The following ATP8A2 variants were observed in gnomAD, a reference collection of about 807,000 sequenced individuals.
The protein encoded by ATP8A2 is phospholipid-transporting ATPase IB.
In ATP8A2, 100 loss-of-function variants were observed where a neutral mutation model predicts 165.6. The observed-to-expected ratio is 0.60, with a 90% CI of 0.51 to 0.71. The LOEUF is 0.71. Ranked by LOEUF, ATP8A2 falls within the 30% of genes least tolerant of loss-of-function variation. ATP8A2 has a pLI of 0.00. For synonymous variants in ATP8A2, 543 were observed against 548.8 expected (o/e 0.99, Z 0.15); for missense variants, 1,227 against 1,479.5 (o/e 0.83, Z 2.80).
Position 25,934,133 on chromosome 13 carries a change from C to T in ATP8A2, c.3184-27442C>T, listed in dbSNP as rs73472967. Among the ~76,000 whole-genome samples, 490 of 152,352 alleles carry T rather than the reference C, an allele frequency of 3.2e-3. 3 individuals carry two copies. Among genetic ancestry groups the T allele is most frequent in the African/African-American group, 0.011 (468 of 41,590 alleles). On this transcript the variant is annotated intron_variant, in intron 33 of 36. Transcript: ENST00000381655. ...GAAAATACTTAGTGTCAGTTGCTAA[C>T]AGTTTATGAAGTGGTGTTACCTGTG...
Position 26,020,063 on chromosome 13 carries a change from A to T in ATP8A2, c.*78A>T. 1 of 1,089,800 alleles carries T rather than the reference A, an allele frequency of 9.2e-7. No homozygotes were observed. The allele number at this position is 1,089,800 out of a possible 1,614,324, so 67.5% of individuals were successfully genotyped here. ...AGTGTTAACACATCTTTGTCAGAGAAGACTGGCGTCAGCAGCCAAAACACC... is the reference window on the plus strand; with the variant it reads ...AGTGTTAACACATCTTTGTCAGAGATGACTGGCGTCAGCAGCCAAAACACC... On this transcript the variant is annotated 3_prime_UTR_variant, in exon 37 of 37. Transcript: ENST00000381655.
chr13:25,654,073 G>T (rs998355564), intron 24 of ATP8A2, among the ~76,000 whole-genome samples: 1 of 152,162 alleles, frequency 6.6e-6, no homozygotes, highest in Non-Finnish European at 1.5e-5. Flanking sequence ...CTCAGAAACT[G>T]TTGTTTGCCT....
At chr13:25,597,637 C>T (rs957378638) in intron 24 of ATP8A2, among the ~76,000 whole-genome samples, 1 of 152,130 alleles carries the variant, frequency 6.6e-6, no homozygotes, top group Admixed American at 6.6e-5. Flanking sequence ...ACAGGTACTT[C>T]TCCAGTCAGG....
At chr13:25,605,181 T>G (rs1446239641) in intron 24 of ATP8A2, among the ~76,000 whole-genome samples, 5 of 152,330 alleles carry the variant, frequency 3.3e-5, no homozygotes, top group African/African-American at 1.2e-4. Context: ...CAGTGAACTT[T>G]ATTCTGTGGT....
chr13:25,530,419 T>G lies in ATP8A2; in HGVS notation c.322-143T>G. 9.1e-6 allele frequency: 6 copies of G among 656,220 alleles called. No individual in the cohort carries two copies. In the South Asian group the frequency reaches 1.0e-4, roughly 11 times the overall value. The allele number at this position is 656,220 out of a possible 1,614,324, so 40.6% of individuals were successfully genotyped here. ...AAATATGTAAAATACGTAGCTAGTT[T>G]TTAAAGTAAGGTAATTATTTTTGAG... On this transcript the variant is annotated intron_variant, in intron 3 of 36. Transcript: ENST00000381655.
At chr13:25,536,788 T>C (rs1381230116) in intron 6 of ATP8A2, among the ~76,000 whole-genome samples, 1 of 152,214 alleles carries the variant, frequency 6.6e-6, no homozygotes. Context: ...TCCTTGACCT[T>C]CACACTCATG....
At chr13:25,924,320 T>C (rs1040923310) in intron 33 of ATP8A2, among the ~76,000 whole-genome samples, 1 of 152,184 alleles carries the variant, frequency 6.6e-6, no homozygotes, top group Non-Finnish European at 1.5e-5. Flanking sequence ...AAGTCAAAGA[T>C]CAAGGTGTTG....
chr13:25,807,391 C>A (rs1183945282), intron 27 of ATP8A2, among the ~76,000 whole-genome samples: 1 of 152,132 alleles, frequency 6.6e-6, no homozygotes, highest in Non-Finnish European at 1.5e-5. Context: ...CAACTTCATT[C>A]TTTTGCATGT....
chr13:25,530,685 A>C, intron 4 of ATP8A2, 25 bp downstream of exon 4: 1 of 1,355,514 alleles, frequency 7.4e-7, no homozygotes, highest in Non-Finnish European at 1.0e-6. Context: ...TTGGATAATA[A>C]AATCATTGTA....
At chr13:25,973,830 A>G (rs1325314568) in intron 35 of ATP8A2, among the ~76,000 whole-genome samples, 2 of 152,180 alleles carry the variant, frequency 1.3e-5, no homozygotes, top group Non-Finnish European at 2.9e-5. Context: ...ACTTCAGGAA[A>G]TCGGTTTTTT....
chr13:25,870,657 T>C (rs1227066198), intron 33 of ATP8A2, among the ~76,000 whole-genome samples: 1 of 151,922 alleles, frequency 6.6e-6, no homozygotes, highest in Non-Finnish European at 1.5e-5. Context: ...GGGAGTAGAG[T>C]GGCTGGGATT....
Position 25,505,285 on chromosome 13 carries a change from C to T in ATP8A2, c.222-24714C>T, listed in dbSNP as rs371479559. On this transcript the variant is annotated intron_variant, in intron 2 of 36. Transcript: ENST00000381655. ...CTCTCAAGAGATCTATTGACATATA[C>T]CCTTCATTCTTCCAGTTTCTTTTCT... 2.5e-4 allele frequency among the ~76,000 whole-genome samples: 38 copies of T among 151,742 alleles called. No individual in the cohort carries two copies. The South Asian group carries it at 7.1e-3, about 28-fold the overall frequency.
chr13:25,824,455 G>A (rs561767638), intron 27 of ATP8A2, among the ~76,000 whole-genome samples: 42 of 152,110 alleles, frequency 2.8e-4, no homozygotes, highest in Non-Finnish European at 4.9e-4. Context: ...TTCTTCGGCC[G>A]TGTGGCTTGT....
At chr13:26,000,613 A>G (rs1477084262) in intron 35 of ATP8A2, among the ~76,000 whole-genome samples, 2 of 151,312 alleles carry the variant, frequency 1.3e-5, no homozygotes, top group Non-Finnish European at 2.9e-5. Context: ...CTAAGACTGC[A>G]CATATCTCTG....
chr13:25,492,488 G>A (rs1029611913), intron 2 of ATP8A2, among the ~76,000 whole-genome samples: 6 of 152,156 alleles, frequency 3.9e-5, no homozygotes, highest in African/African-American at 7.2e-5. Flanking sequence ...AATTCTCTTG[G>A]TGTGAAACAC....
chr13:25,891,533 G>A (rs1953360263), intron 33 of ATP8A2, among the ~76,000 whole-genome samples: 1 of 152,124 alleles, frequency 6.6e-6, no homozygotes, highest in Non-Finnish European at 1.5e-5. Flanking sequence ...AGGTTGGCCA[G>A]GCTGGTCTCG....
At chr13:25,593,898 T>G (rs983955554) in intron 24 of ATP8A2, among the ~76,000 whole-genome samples, 1 of 152,236 alleles carries the variant, frequency 6.6e-6, no homozygotes, top group East Asian at 1.9e-4. Context: ...GATAACAACA[T>G]TGTAAGCAGA....
At chr13:26,000,324 G>T (rs1039360932) in intron 35 of ATP8A2, among the ~76,000 whole-genome samples, 4 of 152,186 alleles carry the variant, frequency 2.6e-5, no homozygotes, top group Admixed American at 2.0e-4. Flanking sequence ...CTATTGACAA[G>T]ATCTAAAATT....
chr13:25,782,165 A>G (rs1374241702), intron 27 of ATP8A2, among the ~76,000 whole-genome samples: 2 of 152,254 alleles, frequency 1.3e-5, no homozygotes, highest in African/African-American at 4.8e-5. Flanking sequence ...ATTACACGGT[A>G]AAAGATAAAA....
Sources: gnomAD v4.1 joint callset for allele counts (sites outside exome capture counted in the v4.1 genomes callset) on GRCh38, gnomAD v4.1.1 for gene constraint, MANE v1.5 for transcripts, NCBI Gene and HGNC (gene_info 2026-07-23, HGNC 2026-07-21) for gene names.